The following APLF variants were observed in gnomAD, a reference collection of about 807,000 sequenced individuals.
The protein encoded by APLF is aprataxin and PNKP like factor.
In APLF, 61 loss-of-function variants were observed where a neutral mutation model predicts 55.6. The observed-to-expected ratio is 1.10, with a 90% confidence interval of 0.89 to 1.36. The LOEUF (loss-of-function observed/expected upper bound fraction) is 1.36. APLF is among the 40% of genes most tolerant of loss of function. The pLI, the probability that APLF is intolerant of heterozygous loss-of-function variation, is 0.00. For missense variants in APLF, 611 were observed against 602.5 expected (o/e 1.01, Z -0.15); for synonymous variants, 207 against 214.8 (o/e 0.96, Z 0.32).
chr2:68,504,989 G>C (rs1212445747), intron 3 of APLF, among the ~76,000 whole-genome samples: 2 of 152,042 alleles, frequency 1.3e-5, no homozygotes, highest in Admixed American at 1.3e-4. Flanking sequence ...TAAGGGTGCA[G>C]ATTATGTGGG....
Position 68,490,184 on chromosome 2 carries a change from G to C in APLF, c.97-6G>C, listed in dbSNP as rs369104970. 1.3e-6 allele frequency: 2 copies of C among 1,591,780 alleles called. No individual in the cohort carries two copies. The highest frequency in any genetic ancestry group is 1.7e-6 in the Non-Finnish European group (2 of 1,172,600). On this transcript the variant is annotated splice_region_variant and splice_polypyrimidine_tract_variant and intron_variant, in intron 1 of 9. Transcript: ENST00000303795. Reference sequence around the variant, plus strand: ...TTCTTAATCTTTTAATTTTTTTACTGTATAGATAACAGACAAGAGAGTATC... The same window carrying C: ...TTCTTAATCTTTTAATTTTTTTACTCTATAGATAACAGACAAGAGAGTATC...
chr2:68,520,137 T>G (rs1180295614), intron 5 of APLF, among the ~76,000 whole-genome samples: 4 of 152,044 alleles, frequency 2.6e-5, no homozygotes, highest in African/African-American at 4.8e-5. Flanking sequence ...TGTTTATTCA[T>G]GTCCTTAGCC....
At chr2:68,499,420 T>A (rs1274690190) in intron 2 of APLF, among the ~76,000 whole-genome samples, 1 of 152,242 alleles carries the variant, frequency 6.6e-6, no homozygotes, top group Non-Finnish European at 1.5e-5. Flanking sequence ...AAGAAAAGTT[T>A]GAATATTCAG....
At chr2:68,554,430 GT>G (rs1355859242) in intron 8 of APLF, among the ~76,000 whole-genome samples, 3 of 151,916 alleles carry the variant, frequency 2.0e-5, no homozygotes, top group Non-Finnish European at 4.4e-5. Flanking sequence ...ACTAATTGGT[GT>G]TTTCATTTGA....
At chr2:68,494,897 C>T (rs1033193977) in intron 2 of APLF, among the ~76,000 whole-genome samples, 28 of 152,266 alleles carry the variant, frequency 1.8e-4, no homozygotes, top group Admixed American at 3.9e-4. Flanking sequence ...TTTTTCCAGT[C>T]TATCATTGAT....
At chr2:68,508,089 A>C (rs1421400814) in intron 3 of APLF, among the ~76,000 whole-genome samples, 1 of 151,756 alleles carries the variant, frequency 6.6e-6, no homozygotes, top group Non-Finnish European at 1.5e-5. Context: ...TATATTAAAG[A>C]TATGAAAATA....
At chr2:68,501,440 A>G (rs1676719728) in intron 2 of APLF, among the ~76,000 whole-genome samples, 1 of 144,158 alleles carries the variant, frequency 6.9e-6, no homozygotes, top group Non-Finnish European at 1.6e-5. Context: ...AAAAAAAAAC[A>G]CCAAAGATCT....
chr2:68,489,960 A>G (rs1676303286), intron 1 of APLF, among the ~76,000 whole-genome samples: 2 of 152,178 alleles, frequency 1.3e-5, no homozygotes, highest in South Asian at 4.1e-4. Context: ...GTTAGATTCT[A>G]GGCTTGAGGC....
intron 1 of APLF, among the ~76,000 whole-genome samples, chr2:68,479,178 G>A (rs1319329251): frequency 6.6e-6 from 1 of 152,114 alleles, no homozygotes; most frequent in Non-Finnish European, 1.5e-5. Context: ...ATTATACACA[G>A]TACTCTATGG....
chr2:68,518,348 A>G (rs1430541056), intron 5 of APLF, among the ~76,000 whole-genome samples: 4 of 113,610 alleles, frequency 3.5e-5, no homozygotes, highest in African/African-American at 1.1e-4. Context: ...ATAATTATAT[A>G]TTAATATAGC....
intron 3 of APLF, among the ~76,000 whole-genome samples, chr2:68,507,696 T>G (rs1676907347): frequency 6.6e-6 from 1 of 151,940 alleles, no homozygotes; most frequent in South Asian, 2.1e-4. Context: ...GTGTTGGTTT[T>G]TTGAATGCAT....
At chr2:68,521,020 A>G (rs2103973954) in intron 5 of APLF, among the ~76,000 whole-genome samples, 1 of 152,024 alleles carries the variant, frequency 6.6e-6, no homozygotes, top group African/African-American at 2.4e-5. Context: ...TTTTCCTTGT[A>G]GAGGTCTTTT....
chr2:68,548,216 AAATT>A (rs1670759561), intron 8 of APLF, among the ~76,000 whole-genome samples: 3 of 152,002 alleles, frequency 2.0e-5, no homozygotes, highest in African/African-American at 2.4e-5. Flanking sequence ...CAAGAAACAA[AAATT>A]AATTAAAATG....
intron 5 of APLF, among the ~76,000 whole-genome samples, chr2:68,525,369 A>AAC (rs1173820093): frequency 6.6e-6 from 1 of 152,180 alleles, no homozygotes; most frequent in Non-Finnish European, 1.5e-5. Context: ...TAGTATATGT[A>AAC]AAGTTCATTG....
At chr2:68,518,345 TA>T (rs1669719565) in intron 5 of APLF, among the ~76,000 whole-genome samples, 1 of 113,610 alleles carries the variant, frequency 8.8e-6, no homozygotes, top group East Asian at 2.5e-4. Flanking sequence ...TAAATAATTA[TA>T]TATTAATATA....
In APLF at chr2:68,495,255, G is replaced by A. The variant is rs1676507006; in HGVS notation, c.168+4994G>A. Among the ~76,000 whole-genome samples, 3 of 152,166 alleles carry A rather than the reference G, an allele frequency of 2.0e-5. No individual in the cohort carries two copies. The South Asian group carries it at 6.2e-4, about 32-fold the overall frequency. ...AAGTCCAAAGTCTCACCTGAGACAA[G>A]GCAAGTCTCTTCTATTTATGAGCCT... On this transcript the variant is annotated intron_variant, in intron 2 of 9. Coordinates refer to ENST00000303795, the MANE Select transcript of APLF (RefSeq NM_173545.3).
chr2:68,476,436 T>C (rs1675777816), intron 1 of APLF, among the ~76,000 whole-genome samples: 1 of 149,164 alleles, frequency 6.7e-6, no homozygotes, highest in Admixed American at 6.7e-5. Flanking sequence ...TGAGCTGAGA[T>C]TGTGCCATTG....
intron 3 of APLF, among the ~76,000 whole-genome samples, chr2:68,511,274 C>A (rs1226143786): frequency 6.6e-6 from 1 of 151,512 alleles, no homozygotes. Flanking sequence ...TTAAAATATT[C>A]TGTAGTGATG....
intron 6 of APLF, among the ~76,000 whole-genome samples, chr2:68,528,062 G>C (rs1389633671): frequency 6.6e-6 from 1 of 151,928 alleles, no homozygotes; most frequent in African/African-American, 2.4e-5. Flanking sequence ...AGACAGTGCG[G>C]TGGCCAAGCA....
Sources: allele counts gnomAD v4.1 joint callset (sites outside exome capture counted in the v4.1 genomes callset), GRCh38; gene constraint gnomAD v4.1.1; transcripts MANE v1.5; gene names NCBI Gene and HGNC (gene_info 2026-07-23, HGNC 2026-07-21).